The following EML4 variants were observed in gnomAD, a reference collection of about 807,000 sequenced individuals.
The protein encoded by EML4 is echinoderm microtubule-associated protein-like 4.
Under a neutral mutation model 129.0 loss-of-function variants are expected in EML4, and 72 were observed. The ratio of observed to expected loss-of-function variants is 0.56; its 90% confidence interval spans 0.46 to 0.68. The LOEUF is 0.68. Ranked by LOEUF, EML4 falls within the 30% of genes least tolerant of loss-of-function variation. The probability of loss-of-function intolerance (pLI) is 0.00; values close to 1 mark genes in which losing one functional copy is unlikely to be tolerated. For missense variants in EML4, 1,363 were observed against 1,190.6 expected (o/e 1.14, Z -2.13); for synonymous variants, 532 against 405.0 (o/e 1.31, Z -3.77).
At chr2:42,211,909 A>G (rs372790589) in intron 1 of EML4, among the ~76,000 whole-genome samples, 1 of 151,880 alleles carries the variant, frequency 6.6e-6, no homozygotes, top group Admixed American at 6.6e-5. Context: ...CAGTGGCGCA[A>G]TTTTGGCTCA....
intron 13 of EML4, among the ~76,000 whole-genome samples, chr2:42,295,853 A>G (rs982311521): frequency 4.6e-5 from 7 of 152,226 alleles, no homozygotes; most frequent in African/African-American, 1.7e-4. Flanking sequence ...AGCAGAATGC[A>G]TGGCCATGTG....
Position 42,282,901 on chromosome 2 carries a change from A to T in EML4, c.870A>T (p.Ser290=). The part of the protein sequence containing the change: ...PTGKIVYFIA[S]VVVLFNYEER... ...GGAAAATAGTTTATTTCATTGCATCAGTAGTAGTACTATTTAATTATGAGG... is the reference window on the plus strand; with the variant it reads ...GGAAAATAGTTTATTTCATTGCATCTGTAGTAGTACTATTTAATTATGAGG... Residue 290 remains serine (S), a synonymous_variant, in exon 8 of 23, where the codon TCA becomes TCT. Transcript: ENST00000318522. 3 of 1,612,108 alleles carry T rather than the reference A, an allele frequency of 1.9e-6. No individual in the cohort carries two copies. The highest frequency in any genetic ancestry group is 2.5e-6 in the Non-Finnish European group (3 of 1,178,180).
Position 42,316,059 on chromosome 2 carries a change from A to G in EML4, c.2056+9A>G, listed in dbSNP as rs781269859. On this transcript the variant is annotated intron_variant, in intron 18 of 22. Transcript: ENST00000318522. ...GATGCGCTACTCAATAGGTAGGCAA[A>G]TTTACTCCCACCTCCCAAGCATGGC... The G allele has an allele frequency of 6.3e-7, 1 of 1,595,520 alleles. No individual in the cohort carries two copies. The highest frequency in any genetic ancestry group is 8.6e-7 in the Non-Finnish European group (1 of 1,163,764).
Position 42,329,903 on chromosome 2 carries a change from T to C in EML4, c.2642T>C (p.Leu881Pro), listed in dbSNP as rs748596435. ...AATGAGACTGTAGCGGATACTACTC[T>C]AACCAAAGCCCCCGTCTCTTCCACT... is the stretch of plus-strand genomic sequence containing the variant. ...PQNETVADTT[L>P]TKAPVSSTES... The change falls in exon 23 of 23, where the codon CTA (leucine) becomes CCA (proline). Residue 881 changes from leucine (L) to proline (P), a missense_variant. Leu to Pro is a moderately conservative substitution (Grantham distance 98). Transcript: ENST00000318522. 1 of 1,614,076 alleles carries C rather than the reference T, an allele frequency of 6.2e-7. No individual in the cohort carries two copies.
At chr2:42,289,735 T>C (rs1344291332) in intron 11 of EML4, 3 of 151,878 alleles carry the variant, frequency 2.0e-5, no homozygotes, top group East Asian at 3.9e-4. Flanking sequence ...ATCTGCATTA[T>C]AGCACTTTCT....
At chr2:42,211,501 C>A (rs779584155) in intron 1 of EML4, among the ~76,000 whole-genome samples, 1 of 152,132 alleles carries the variant, frequency 6.6e-6, no homozygotes, top group African/African-American at 2.4e-5. Flanking sequence ...CTGGAGTAGT[C>A]GGAAATTGTC....
At chr2:42,261,346 A>C (rs1484551625) in intron 4 of EML4, 52 bp downstream of exon 4, 2 of 1,446,754 alleles carry the variant, frequency 1.4e-6, no homozygotes, top group Non-Finnish European at 1.8e-6. Flanking sequence ...ATGATACCTA[A>C]ATTCTGTGAC....
chr2:42,329,702 A>G (rs1297518285), intron 22 of EML4, 32 bp from the exon 23 acceptor site: 15 of 1,578,314 alleles, frequency 9.5e-6, no homozygotes, highest in Non-Finnish European at 1.2e-5. Flanking sequence ...AATGAGTTTA[A>G]TTTTCCTGTC....
At chr2:42,321,726 T>C (rs998292834) in intron 19 of EML4, among the ~76,000 whole-genome samples, 1 of 152,162 alleles carries the variant, frequency 6.6e-6, no homozygotes, top group African/African-American at 2.4e-5. Flanking sequence ...ATAATGTGGA[T>C]TGGAGAGGCA....
chr2:42,174,942 T>A lies in EML4; in HGVS notation c.25+5306T>A, dbSNP rs554169890. Among the ~76,000 whole-genome samples the A allele has an allele frequency of 1.8e-4, 27 of 148,858 alleles. No individual in the cohort carries two copies. The South Asian group carries it at 5.7e-3, about 32-fold the overall frequency. Reference sequence around the variant, plus strand: ...AGGCAGTTATCTGCCTCAGCCTCCCTAGTAGCTGGGATTACAGGTGCCCGC... The same window carrying A: ...AGGCAGTTATCTGCCTCAGCCTCCCAAGTAGCTGGGATTACAGGTGCCCGC... On this transcript the variant is annotated intron_variant, in intron 1 of 22. Transcript: ENST00000318522.
intron 1 of EML4, among the ~76,000 whole-genome samples, chr2:42,188,306 G>T (rs1172904593): frequency 1.3e-5 from 2 of 152,096 alleles, no homozygotes; most frequent in Non-Finnish European, 2.9e-5. Context: ...ATAATGTAGA[G>T]GACCTCCTGG....
rs190925783 is a variant in EML4 at position 42,288,464 on chromosome 2, T to C, written c.1218+142T>C. Reference sequence around the variant, plus strand: ...AGCCAAATTCAGCAAATTTAGTGATTTGTCATAATCGTTAAGATATTAACA... The same window carrying C: ...AGCCAAATTCAGCAAATTTAGTGATCTGTCATAATCGTTAAGATATTAACA... On this transcript the variant is annotated intron_variant, in intron 11 of 22. Transcript: ENST00000318522. 9.2e-5 allele frequency: 43 copies of C among 468,824 alleles called. No individual in the cohort carries two copies. In the East Asian group the frequency reaches 1.4e-3, roughly 15 times the overall value. 29.0% of individuals were successfully genotyped at this position (468,824 alleles called of 1,614,324 possible).
At chr2:42,293,867 C>T (rs978582194) in intron 11 of EML4, among the ~76,000 whole-genome samples, 3 of 152,230 alleles carry the variant, frequency 2.0e-5, no homozygotes, top group African/African-American at 7.2e-5. Context: ...CCTCAGCCTC[C>T]CAAAATGTTG....
intron 1 of EML4, among the ~76,000 whole-genome samples, chr2:42,200,032 A>G (rs781131893): frequency 2.0e-5 from 3 of 152,018 alleles, no homozygotes; most frequent in East Asian, 3.9e-4. Flanking sequence ...AATACCGGCC[A>G]GGCGCGGTGG....
intron 6 of EML4, among the ~76,000 whole-genome samples, chr2:42,279,990 A>G (rs1027807892): frequency 6.6e-6 from 1 of 152,046 alleles, no homozygotes; most frequent in East Asian, 1.9e-4. Flanking sequence ...TGAGTTCCTT[A>G]TATATTTTTG....
chr2:42,326,182 C>A lies in EML4; in HGVS notation c.2271C>A (p.Ile757=), dbSNP rs749269875. The A allele has an allele frequency of 1.7e-5, 27 of 1,613,552 alleles. No homozygotes were observed. The highest frequency in any genetic ancestry group is 2.2e-5 in the Non-Finnish European group (26 of 1,179,766). ...ACATTCCAAATGGCTGCAAACTAAT[C>A]AGGAATCGATCGGATTGTAAGGACA... is the stretch of plus-strand genomic sequence containing the variant. The part of the protein sequence containing the change: ...YWDIPNGCKL[I]RNRSDCKDID... The change falls in exon 21 of 23, where the codon ATC becomes ATA. Residue 757 remains isoleucine, a synonymous_variant. Transcript: ENST00000318522.
At chr2:42,257,334 A>C (rs926550392) in intron 3 of EML4, among the ~76,000 whole-genome samples, 2 of 152,208 alleles carry the variant, frequency 1.3e-5, no homozygotes, top group Non-Finnish European at 2.9e-5. Context: ...TCAGCTACAA[A>C]ATCTTAAAAC....
At chr2:42,326,070 C>A (rs2286703) in intron 20 of EML4, 84 bp from the exon 21 acceptor site, 395,593 of 1,517,322 alleles carry the variant, frequency 0.26, 56,426 homozygotes, top group East Asian at 0.55. Context: ...TACAAGTAAA[C>A]GTGGCTAGTT....
chr2:42,305,836 T>G (rs997327536), intron 17 of EML4, among the ~76,000 whole-genome samples: 1 of 152,124 alleles, frequency 6.6e-6, no homozygotes, highest in African/African-American at 2.4e-5. Flanking sequence ...CTTAAATACT[T>G]TAAACCAACT....
Sources: gnomAD v4.1 joint callset for allele counts (sites outside exome capture counted in the v4.1 genomes callset) on GRCh38, gnomAD v4.1.1 for gene constraint, MANE v1.5 for transcripts, NCBI Gene and HGNC (gene_info 2026-07-23, HGNC 2026-07-21) for gene names.